CHD1L: variants seen among roughly 807,000 people sequenced by gnomAD.
The protein encoded by CHD1L is chromodomain helicase DNA binding protein 1 like.
In CHD1L, 118 loss-of-function variants were observed where a neutral mutation model predicts 115.9. That is an observed-to-expected ratio of 1.02 (90% CI 0.88 to 1.19). The LOEUF (loss-of-function observed/expected upper bound fraction) is 1.19, where lower values mean the gene tolerates loss of function less well. CHD1L is among the 50% of genes most tolerant of loss of function. The pLI is 0.00. For missense variants in CHD1L, 1,179 were observed against 1,065.3 expected (o/e 1.11, Z -1.49); for synonymous variants, 411 against 387.1 (o/e 1.06, Z -0.72).
chr1:147,203,483 A>G, the CHD1L span: 6 of 844,596 alleles, frequency 7.1e-6, no homozygotes, highest in Non-Finnish European at 1.3e-5. Flanking sequence ...TCAGTATCTA[A>G]TCCAACATTT....
chr1:147,258,291 A>G (rs1278235544), intron 5 of CHD1L, among the ~76,000 whole-genome samples: 1 of 152,176 alleles, frequency 6.6e-6, no homozygotes, highest in African/African-American at 2.4e-5. Context: ...CATTTAGAGT[A>G]TCCTTTGATA....
chr1:147,203,208 C>T, the CHD1L span: 1 of 810,216 alleles, frequency 1.2e-6, no homozygotes, highest in Non-Finnish European at 2.0e-6. Context: ...AATAAGAAAA[C>T]ATCACGCGAT....
chr1:147,288,322 CA>C (rs1294935544), intron 19 of CHD1L, among the ~76,000 whole-genome samples: 44,027 of 88,142 alleles, frequency 0.5, 9,802 homozygotes, highest in Middle Eastern at 0.59. Flanking sequence ...GACCCTGTTT[CA>C]ATAAAAAAAA....
chr1:147,228,871 G>T, the CHD1L span, among the ~76,000 whole-genome samples: 6 of 151,904 alleles, frequency 3.9e-5, no homozygotes, highest in African/African-American at 7.3e-5. Flanking sequence ...TTTTTTTCTT[G>T]TAAATTTGTT....
the CHD1L span, chr1:147,223,407 T>C: frequency 1.3e-5 from 2 of 152,262 alleles, no homozygotes; most frequent in African/African-American, 4.8e-5. Context: ...TAAGAAATGC[T>C]ATAAAGCCAC....
In CHD1L at chr1:147,291,592, T is replaced by G. The variant is rs782721323; in HGVS notation, c.2391+40T>G. 1.6e-5 allele frequency: 24 copies of G among 1,522,726 alleles called. No homozygotes were observed. The South Asian group carries it at 2.5e-4, about 16-fold the overall frequency. The allele number at this position is 1,522,726 out of a possible 1,614,324, so 94.3% of individuals were successfully genotyped here. A position where few individuals can be genotyped will look rare whatever the true frequency, so the allele number is the denominator to read the frequency against. On this transcript the variant is annotated intron_variant, in intron 20 of 22. Coordinates refer to ENST00000369258, the MANE Select transcript of CHD1L (RefSeq NM_004284.6). Reference sequence around the variant, plus strand: ...TCTCTTCTCAGAACTACAAGTGGACTCACATCAACTTCTCTTGAAGTGTCC... The same window carrying G: ...TCTCTTCTCAGAACTACAAGTGGACGCACATCAACTTCTCTTGAAGTGTCC...
the CHD1L span, among the ~76,000 whole-genome samples, chr1:147,229,387 T>A: frequency 1.3e-5 from 2 of 152,116 alleles, no homozygotes; most frequent in South Asian, 4.1e-4. Context: ...TTGGTACCAG[T>A]ACCATGCTGT....
At chr1:147,221,858 G>A in the CHD1L span, among the ~76,000 whole-genome samples, 11 of 152,320 alleles carry the variant, frequency 7.2e-5, no homozygotes, top group Non-Finnish European at 1.3e-4. Flanking sequence ...CACCTGATTG[G>A]AACTTAGGTA....
intron 1 of CHD1L, among the ~76,000 whole-genome samples, chr1:147,245,349 G>A (rs1357927708): frequency 6.6e-6 from 1 of 152,130 alleles, no homozygotes; most frequent in African/African-American, 2.4e-5. Context: ...TCTGTGGGAG[G>A]GTACAGAGCA....
intron 3 of CHD1L, 47 bp downstream of exon 3, chr1:147,255,023 AT>A (rs781956895): frequency 5.1e-6 from 7 of 1,382,162 alleles, no homozygotes; most frequent in Middle Eastern, 1.9e-4. Context: ...CTTGATTAAG[AT>A]TTTTTTTCTG....
the CHD1L span, among the ~76,000 whole-genome samples, chr1:147,233,740 T>C: frequency 6.6e-6 from 1 of 151,606 alleles, no homozygotes; most frequent in Non-Finnish European, 1.5e-5. Flanking sequence ...TTTCATTTTG[T>C]TCTGTACTAA....
At chr1:147,210,617 T>C in the CHD1L span, 1 of 152,320 alleles carries the variant, frequency 6.6e-6, no homozygotes, top group African/African-American at 2.4e-5. Flanking sequence ...ATATAACTTC[T>C]GCTGAGTAAT....
chr1:147,294,387 T>C (rs1473364190), intron 21 of CHD1L, 22 bp from the exon 22 acceptor site: 3 of 1,439,478 alleles, frequency 2.1e-6, no homozygotes, highest in East Asian at 2.3e-5. Context: ...AGTGAAGACA[T>C]GTGTTCTTCT....
intron 5 of CHD1L, chr1:147,259,627 A>T: frequency 1.8e-5 from 4 of 217,806 alleles, no homozygotes; most frequent in Non-Finnish European, 2.7e-5. Context: ...CCATTTTGTT[A>T]AAAAAAAAAA....
chr1:147,207,152 C>T, the CHD1L span, among the ~76,000 whole-genome samples: 2 of 152,020 alleles, frequency 1.3e-5, no homozygotes, highest in South Asian at 4.2e-4. Flanking sequence ...TAGGAGAATG[C>T]CCTTTTTCTT....
At chr1:147,186,742 G>C in the CHD1L span, 1 of 1,435,986 alleles carries the variant, frequency 7.0e-7, no homozygotes, top group Non-Finnish European at 9.1e-7. Flanking sequence ...TGGAAAACAG[G>C]TTTCATTGTA....
At chr1:147,196,734 C>T in the CHD1L span, among the ~76,000 whole-genome samples, 1 of 152,032 alleles carries the variant, frequency 6.6e-6, no homozygotes, top group African/African-American at 2.4e-5. Context: ...TTTCTTATCT[C>T]CCTCCATGTC....
At chr1:147,226,647 C>T in the CHD1L span, among the ~76,000 whole-genome samples, 1 of 152,098 alleles carries the variant, frequency 6.6e-6, no homozygotes, top group East Asian at 1.9e-4. Context: ...TGGATTGTGG[C>T]TCATGCCTTG....
chr1:147,290,944 T>G (rs1337723000), intron 19 of CHD1L, among the ~76,000 whole-genome samples: 1 of 152,200 alleles, frequency 6.6e-6, no homozygotes, highest in Non-Finnish European at 1.5e-5. Context: ...TGAGTCACTG[T>G]GCTCGGCCAT....
Sources: gnomAD v4.1 joint callset for allele counts (sites outside exome capture counted in the v4.1 genomes callset) on GRCh38, gnomAD v4.1.1 for gene constraint, MANE v1.5 for transcripts, NCBI Gene and HGNC (gene_info 2026-07-23, HGNC 2026-07-21) for gene names.